GCA: variants seen among roughly 807,000 people sequenced by gnomAD.
The protein encoded by GCA is grancalcin, also known as grancalcin, EF-hand calcium-binding protein.
Under a neutral mutation model 32.6 loss-of-function variants are expected in GCA, and 30 were observed. That is an observed-to-expected ratio of 0.92 (90% CI 0.69 to 1.25). The LOEUF (loss-of-function observed/expected upper bound fraction) is 1.25, where lower values mean the gene tolerates loss of function less well. Among genes scored for constraint, GCA ranks in the 50% most tolerant of loss-of-function variants. The probability of loss-of-function intolerance (pLI) is 0.00; values close to 1 mark genes in which losing one functional copy is unlikely to be tolerated. For missense variants in GCA, 291 were observed against 266.8 expected (o/e 1.09, Z -0.63); for synonymous variants, 102 against 84.6 (o/e 1.21, Z -1.13).
chr2:162,359,597 C>A, intron 7 of GCA, 45 bp downstream of exon 7: 2 of 956,574 alleles, frequency 2.1e-6, no homozygotes, highest in South Asian at 1.7e-5. Context: ...CTAGATAGTT[C>A]TCAGTTAGTA....
At chr2:162,327,648 G>C (rs1209180332) in intron 1 of GCA, among the ~76,000 whole-genome samples, 2 of 152,168 alleles carry the variant, frequency 1.3e-5, no homozygotes, top group Non-Finnish European at 2.9e-5. Flanking sequence ...GGCACGCCTA[G>C]GCAGCTGAGC....
At chr2:162,367,600 C>A (rs1417925289), downstream of GCA, among the ~76,000 whole-genome samples, 5 of 151,922 alleles carry the variant, frequency 3.3e-5, no homozygotes, top group African/African-American at 1.2e-4. Context: ...AAGCTATAAA[C>A]CTAATAGTGC....
intron 1 of GCA, among the ~76,000 whole-genome samples, chr2:162,344,961 G>A (rs537372329): frequency 6.6e-6 from 1 of 152,244 alleles, no homozygotes; most frequent in South Asian, 2.1e-4. Flanking sequence ...TGCGGTGTGG[G>A]TAGAATATAA....
In GCA at chr2:162,356,827, G is replaced by A. The variant is rs1685300198; in HGVS notation, c.376G>A (p.Glu126Lys). Residue 126 changes from glutamate to lysine, a missense_variant, in exon 5 of 8, where the codon GAA becomes AAA. Glu to Lys is a moderately conservative substitution (Grantham distance 56, BLOSUM62 1). Coordinates refer to ENST00000437150, the MANE Select transcript of GCA (RefSeq NM_012198.5). ...ATGGGCAGCTCTTAATGCCTGGAAGGAAAACTTCATGACTGTTGATCAAGA... is the reference window on the plus strand; with the variant it reads ...ATGGGCAGCTCTTAATGCCTGGAAGAAAAACTTCATGACTGTTGATCAAGA... ...ELWAALNAWK[E>K]NFMTVDQDGS... The A allele has an allele frequency of 6.2e-7, 1 of 1,610,136 alleles. No individual in the cohort carries two copies. The highest frequency in any genetic ancestry group is 1.3e-5 in the African/African-American group (1 of 74,776).
Position 162,361,449 on chromosome 2 carries a change from A to G in GCA, c.*1206A>G. ...TTAAATGTGTATTTTCTAACCTAAC[A>G]GTGAGTGACATAATTTTATGACTGC... On this transcript the variant is annotated 3_prime_UTR_variant, in exon 8 of 8. Coordinates refer to ENST00000437150, the MANE Select transcript of GCA (RefSeq NM_012198.5). The G allele has an allele frequency of 1.0e-6, 1 of 977,632 alleles. No individual in the cohort carries two copies. The highest frequency in any genetic ancestry group is 4.7e-5 in the South Asian group (1 of 21,140). 60.6% of individuals were successfully genotyped at this position (977,632 alleles called of 1,614,324 possible). A position where few individuals can be genotyped will look rare whatever the true frequency, so the allele number is the denominator to read the frequency against.
intron 2 of GCA, among the ~76,000 whole-genome samples, chr2:162,350,479 A>G (rs1684936438): frequency 6.6e-6 from 1 of 152,188 alleles, no homozygotes; most frequent in Non-Finnish European, 1.5e-5. Context: ...GTTTGCAGCT[A>G]AATGGTACCT....
At chr2:162,345,635 G>T (rs1289132939) in intron 1 of GCA, among the ~76,000 whole-genome samples, 1 of 152,140 alleles carries the variant, frequency 6.6e-6, no homozygotes, top group Non-Finnish European at 1.5e-5. Context: ...CCTTTTCCAT[G>T]AATTTAAAAT....
chr2:162,331,925 T>C (rs968462686), intron 1 of GCA, among the ~76,000 whole-genome samples: 1 of 152,208 alleles, frequency 6.6e-6, no homozygotes, highest in Admixed American at 6.5e-5. Flanking sequence ...AAAGGACATG[T>C]AGTCTGGAAC....
upstream of GCA, chr2:162,344,073 G>C (rs1684543568): frequency 1.5e-6 from 1 of 668,490 alleles, no homozygotes; most frequent in African/African-American, 1.8e-5. Context: ...AATCGGAACC[G>C]TGCAGGGCGG....
intron 4 of GCA, among the ~76,000 whole-genome samples, chr2:162,368,296 T>C (rs548560184): frequency 6.6e-6 from 1 of 152,128 alleles, no homozygotes; most frequent in East Asian, 1.9e-4. Flanking sequence ...TTTGATAACA[T>C]AAAAATTTTG....
rs1558881651 is a variant in GCA, at chr2:162,321,933, TAC to T, written c.-31+2714_-31+2715del. Among the ~76,000 whole-genome samples, 21 of 86,104 alleles carry T rather than the reference TAC, an allele frequency of 2.4e-4. 2 individuals carry two copies. The highest frequency in any genetic ancestry group is 1.2e-3 in the African/African-American group (18 of 14,500). 56.5% of individuals were successfully genotyped at this position (86,104 alleles called of 152,430 possible). On this transcript the variant is annotated intron_variant, in intron 1 of 4. Transcript: ENST00000429691. ...ATATATATATATATATATATATATA[TAC>T]ACACATACATATAAACACTATATAA... is the stretch of plus-strand genomic sequence containing the variant.
intron 1 of GCA, among the ~76,000 whole-genome samples, chr2:162,329,602 A>G (rs1266814523): frequency 2.0e-5 from 3 of 151,462 alleles, no homozygotes; most frequent in Admixed American, 1.3e-4. Flanking sequence ...CCATATATTT[A>G]CTGGGGTCCA....
downstream of GCA, among the ~76,000 whole-genome samples, chr2:162,374,543 GCTGA>G (rs911123426): frequency 1.3e-5 from 2 of 151,932 alleles, no homozygotes; most frequent in Non-Finnish European, 1.5e-5. Context: ...ACTTATTTGC[GCTGA>G]CTGTTTTGCC....
chr2:162,323,724 T>G (rs1423418478), intron 1 of GCA, among the ~76,000 whole-genome samples: 3 of 151,820 alleles, frequency 2.0e-5, no homozygotes, highest in African/African-American at 4.9e-5. Context: ...GTTGTAGATA[T>G]GTGGCATTAT....
chr2:162,327,132 C>G (rs940926052), intron 1 of GCA, among the ~76,000 whole-genome samples: 3 of 152,162 alleles, frequency 2.0e-5, no homozygotes, highest in Non-Finnish European at 4.4e-5. Context: ...GGAATTGGTT[C>G]TGCCCATTTA....
In GCA at chr2:162,361,316, T is replaced by C; in HGVS notation, c.*1073T>C. 2.0e-6 allele frequency: 2 copies of C among 984,322 alleles called. No individual in the cohort carries two copies. The highest frequency in any genetic ancestry group is 5.2e-4 in the Middle Eastern group (1 of 1,914). 61.0% of individuals were successfully genotyped at this position (984,322 alleles called of 1,614,324 possible). A position where few individuals can be genotyped will look rare whatever the true frequency, so the allele number is the denominator to read the frequency against. ...ACGTAGAATCACCAGATCTTTAGTG[T>C]TTAATATCCCTGGTATAAGATGTTA... On this transcript the variant is annotated 3_prime_UTR_variant, in exon 8 of 8. Transcript: ENST00000437150.
upstream of GCA, among the ~76,000 whole-genome samples, chr2:162,339,708 C>A (rs1684378738): frequency 1.3e-5 from 2 of 152,162 alleles, no homozygotes; most frequent in Admixed American, 1.3e-4. Flanking sequence ...ATGCACCAAG[C>A]AAAGGTCATG....
At chr2:162,344,940 G>GTT (rs939559400) in intron 1 of GCA, among the ~76,000 whole-genome samples, 4 of 152,184 alleles carry the variant, frequency 2.6e-5, no homozygotes, top group African/African-American at 9.7e-5. Context: ...GTTAACAGTA[G>GTT]TTTGATCCAT....
chr2:162,367,555 A>T (rs1685793208), downstream of GCA, among the ~76,000 whole-genome samples: 1 of 151,978 alleles, frequency 6.6e-6, no homozygotes, highest in South Asian at 2.1e-4. Flanking sequence ...AAGGAGATTG[A>T]CACTCTCACT....
Sources: gnomAD v4.1 joint callset for allele counts (sites outside exome capture counted in the v4.1 genomes callset) on GRCh38, gnomAD v4.1.1 for gene constraint, MANE v1.5 for transcripts, NCBI Gene and HGNC (gene_info 2026-07-23, HGNC 2026-07-21) for gene names.